The following RIC3 variants were observed in gnomAD, a reference collection of about 807,000 sequenced individuals.
RIC3 encodes the protein protein RIC-3.
In RIC3, 28 loss-of-function variants were observed where a neutral mutation model predicts 27.3. The ratio of observed to expected loss-of-function variants is 1.02; its 90% CI spans 0.76 to 1.41. The LOEUF (loss-of-function observed/expected upper bound fraction) is 1.41, where lower values mean the gene tolerates loss of function less well. Ranked by LOEUF, RIC3 falls within the 40% of genes most tolerant of loss-of-function variation. RIC3 has a pLI of 0.00. For missense variants in RIC3, 501 were observed against 444.7 expected (o/e 1.13, Z -1.14); for synonymous variants, 184 against 160.4 (o/e 1.15, Z -1.11).
rs1442224251 is a variant in RIC3 at position 8,109,856 on chromosome 11, G to C, written c.*842C>G. 1 of 152,276 alleles carries C rather than the reference G, an allele frequency of 6.6e-6. No individual in the cohort carries two copies. The highest frequency in any genetic ancestry group is 1.5e-5 in the Non-Finnish European group (1 of 68,148). 9.4% of individuals were successfully genotyped at this position (152,276 alleles called of 1,614,324 possible). ...CTCCTCATGGCAGGACCATCCCTGG[G>C]CAGGGCTTCCTGCAGCTTCAATGGC... is the stretch of plus-strand genomic sequence containing the variant. On this transcript the variant is annotated 3_prime_UTR_variant, in exon 6 of 6. Transcript: ENST00000309737.
chr11:8,094,121 C>T, the RIC3 span: 2 of 1,614,008 alleles, frequency 1.2e-6, no homozygotes, highest in African/African-American at 2.7e-5. Context: ...GCCAAGAGAA[C>T]CAAGGCGGCA....
chr11:8,127,660 A>T (rs764510802), intron 4 of RIC3, among the ~76,000 whole-genome samples: 1 of 152,164 alleles, frequency 6.6e-6, no homozygotes. Context: ...TAGAAGACTG[A>T]TAACTATCTG....
intron 4 of RIC3, among the ~76,000 whole-genome samples, chr11:8,136,429 G>T (rs895738351): frequency 1.3e-5 from 2 of 152,196 alleles, no homozygotes; most frequent in African/African-American, 4.8e-5. Context: ...AGAAGACCTA[G>T]CTGAAACTGA....
intron 1 of RIC3, among the ~76,000 whole-genome samples, chr11:8,168,481 A>G (rs954665563): frequency 3.3e-5 from 5 of 152,182 alleles, no homozygotes; most frequent in Non-Finnish European, 7.4e-5. Context: ...GTCAGAAAGT[A>G]CACGGAAAAC....
rs188874502 is a variant in RIC3 at position 8,165,679 on chromosome 11, T to C, written c.124+3187A>G. ...GTACACTTTAAGTGGGTGAATTGTATGATATATAAATTAGATCTCAAGAAA... is the reference window on the plus strand; with the variant it reads ...GTACACTTTAAGTGGGTGAATTGTACGATATATAAATTAGATCTCAAGAAA... On this transcript the variant is annotated intron_variant, in intron 1 of 5. Coordinates refer to ENST00000309737, the MANE Select transcript of RIC3 (RefSeq NM_001206671.4). Among the ~76,000 whole-genome samples, 954 of 150,192 alleles carry C rather than the reference T, an allele frequency of 6.4e-3. 21 individuals are homozygous for C. The highest frequency in any genetic ancestry group is 0.051 in the Admixed American group (765 of 15,094).
At chr11:8,100,628 T>C in the RIC3 span, 1 of 1,602,510 alleles carries the variant, frequency 6.2e-7, no homozygotes, top group Non-Finnish European at 8.5e-7. Flanking sequence ...TCCTCCCCTC[T>C]TTCCCCATCA....
intron 1 of RIC3, among the ~76,000 whole-genome samples, chr11:8,148,851 T>A (rs116255313): frequency 2.3e-4 from 35 of 151,860 alleles, no homozygotes; most frequent in African/African-American, 8.2e-4. Flanking sequence ...AACTAAATAT[T>A]CAAGTTTTGA....
At chr11:8,101,780 T>G, downstream of RIC3, 7 of 1,242,124 alleles carry the variant, frequency 5.6e-6, no homozygotes, top group Non-Finnish European at 4.3e-6. Flanking sequence ...CTGGCTCCTT[T>G]GCCTCTGCTA....
chr11:8,149,529 T>C (rs1196711273), intron 1 of RIC3, among the ~76,000 whole-genome samples: 1 of 152,134 alleles, frequency 6.6e-6, no homozygotes, highest in African/African-American at 2.4e-5. Context: ...GGCTCTAATA[T>C]AGACAGAAAC....
chr11:8,122,830 A>G (rs1449442354), intron 5 of RIC3, among the ~76,000 whole-genome samples: 4 of 148,954 alleles, frequency 2.7e-5, no homozygotes, highest in African/African-American at 9.9e-5. Context: ...AAAATTTGTA[A>G]TATCCATCAT....
chr11:8,147,260 A>G (rs1359468110), intron 1 of RIC3, among the ~76,000 whole-genome samples: 1 of 152,206 alleles, frequency 6.6e-6, no homozygotes, highest in East Asian at 1.9e-4. Flanking sequence ...GTATAAAACT[A>G]AGCTGTGCCC....
chr11:8,135,539 T>C (rs1026411500), intron 4 of RIC3: 4 of 152,352 alleles, frequency 2.6e-5, no homozygotes, highest in Admixed American at 1.3e-4. Context: ...GGTAGCTTGA[T>C]GGGGATGGCG....
intron 5 of RIC3, 152 bp downstream of exon 5, chr11:8,126,507 T>TATA: frequency 1.1e-6 from 1 of 869,692 alleles, no homozygotes; most frequent in South Asian, 1.8e-5. Context: ...AAACTCTATA[T>TATA]ATTTGTCAAA....
chr11:8,138,482 G>A lies in RIC3; in HGVS notation c.352-135C>T, dbSNP rs563836287. 6.7e-4 allele frequency: 307 copies of A among 457,862 alleles called. 1 individual carries two copies. Among genetic ancestry groups the A allele is most frequent in the Non-Finnish European group, 9.5e-4 (246 of 259,908 alleles). 28.4% of individuals were successfully genotyped at this position (457,862 alleles called of 1,614,324 possible). ...AATTAAATCAAATAGCAACACTAGAGAAATAGCTCAAAAAAAAAAACGCCA... is the reference window on the plus strand; with the variant it reads ...AATTAAATCAAATAGCAACACTAGAAAAATAGCTCAAAAAAAAAAACGCCA... On this transcript the variant is annotated intron_variant, in intron 2 of 5. Coordinates refer to ENST00000309737, the MANE Select transcript of RIC3 (RefSeq NM_001206671.4).
At chr11:8,156,923 A>C (rs553660807) in intron 1 of RIC3, among the ~76,000 whole-genome samples, 1 of 152,204 alleles carries the variant, frequency 6.6e-6, no homozygotes, top group Admixed American at 6.5e-5. Context: ...ATTTTCCACT[A>C]AACACCATCT....
At chr11:8,118,949 G>A (rs1169600055) in intron 5 of RIC3, among the ~76,000 whole-genome samples, 1 of 151,466 alleles carries the variant, frequency 6.6e-6, no homozygotes, top group East Asian at 1.9e-4. Flanking sequence ...TCCAAGTTGA[G>A]GAATTCTCCC....
At chr11:8,142,285 C>A (rs1190096634) in intron 1 of RIC3, among the ~76,000 whole-genome samples, 1 of 138,080 alleles carries the variant, frequency 7.2e-6, no homozygotes, top group African/African-American at 3.0e-5. Context: ...GCTAGCAACA[C>A]TAATAAAGAA....
chr11:8,153,715 T>C (rs1371446455), intron 1 of RIC3, among the ~76,000 whole-genome samples: 1 of 152,170 alleles, frequency 6.6e-6, no homozygotes, highest in Non-Finnish European at 1.5e-5. Flanking sequence ...TTCTGACTTT[T>C]CCCCCAAGCT....
At chr11:8,101,147 T>C (rs1444389473), downstream of RIC3, 2 of 1,006,318 alleles carry the variant, frequency 2.0e-6, no homozygotes, top group South Asian at 1.7e-5. Context: ...TTTCTAACCC[T>C]AATGACTGGG....
Sources: gnomAD v4.1 joint callset for allele counts (sites outside exome capture counted in the v4.1 genomes callset) on GRCh38, gnomAD v4.1.1 for gene constraint, MANE v1.5 for transcripts, NCBI Gene and HGNC (gene_info 2026-07-23, HGNC 2026-07-21) for gene names.